The following TAFA5 variants were observed in gnomAD, a reference collection of about 807,000 sequenced individuals.
TAFA5 encodes chemokine-like protein TAFA-5.
TAFA5 carries 6 observed loss-of-function variants against 15.3 expected under a neutral mutation model. The observed-to-expected ratio is 0.39, with a 90% CI of 0.21 to 0.77. The LOEUF (loss-of-function observed/expected upper bound fraction) is 0.77. Ranked by LOEUF, TAFA5 falls within the 30% of genes least tolerant of loss-of-function variation. TAFA5 has a pLI of 0.41. For missense variants in TAFA5, 161 were observed against 193.1 expected (o/e 0.83, Z 0.98); for synonymous variants, 103 against 80.7 (o/e 1.28, Z -1.48).
At chr22:48,745,895 G>A (rs569523044) in intron 3 of TAFA5, among the ~76,000 whole-genome samples, 26 of 152,318 alleles carry the variant, frequency 1.7e-4, no homozygotes, top group African/African-American at 6.0e-4. Context: ...CACCACACAC[G>A]CGTCAGAGGA....
rs1922903569 is a variant in TAFA5, at chr22:48,552,832, A to AGCACCCAGGGCTGGCTCTGGGCCTCCT, written c.112+63128_112+63129insGCACCCAGGGCTGGCTCTGGGCCTCCT. Among the ~76,000 whole-genome samples the AGCACCCAGGGCTGGCTCTGGGCCTCCT allele has an allele frequency of 6.6e-6, 1 of 151,964 alleles. No individual in the cohort carries two copies. The highest frequency in any genetic ancestry group is 1.5e-5 in the Non-Finnish European group (1 of 67,982). On this transcript the variant is annotated intron_variant, in intron 1 of 3. Transcript: ENST00000402357. This position sits in a 1 kb window ranked among gnomAD's most constrained non-coding sequence, Gnocchi z 4.1. Reference sequence around the variant, plus strand: ...CACCTATATGGGGCTTCCAGGGCTCACCCCGAGGGAGGAGGCCCAGAGCCA... The same window carrying AGCACCCAGGGCTGGCTCTGGGCCTCCT: ...CACCTATATGGGGCTTCCAGGGCTCAGCACCCAGGGCTGGCTCTGGGCCTCCTCCCCGAGGGAGGAGGCCCAGAGCCA...
intron 3 of TAFA5, among the ~76,000 whole-genome samples, chr22:48,740,064 C>G (rs1165115958): frequency 6.6e-6 from 1 of 152,190 alleles, no homozygotes; most frequent in East Asian, 1.9e-4. Flanking sequence ...ACACTGCTGC[C>G]CATGCCCATC....
intron 2 of TAFA5, among the ~76,000 whole-genome samples, chr22:48,678,373 AT>A (rs1261380771): frequency 6.6e-6 from 1 of 152,204 alleles, no homozygotes; most frequent in African/African-American, 2.4e-5. Flanking sequence ...AACTGACCCT[AT>A]GCGGGGCAAA....
At chr22:48,583,210 C>A (rs1391868056) in intron 1 of TAFA5, among the ~76,000 whole-genome samples, 1 of 142,452 alleles carries the variant, frequency 7.0e-6, no homozygotes, top group South Asian at 2.3e-4. Context: ...TATACACATA[C>A]CACACACCAC....
At chr22:48,606,615 GTT>G (rs1177754182) in intron 1 of TAFA5, among the ~76,000 whole-genome samples, 1 of 152,212 alleles carries the variant, frequency 6.6e-6, no homozygotes, top group African/African-American at 2.4e-5. Context: ...CAAAAGCCAT[GTT>G]TACTTTCATA....
In TAFA5 at chr22:48,693,170, C is replaced by T. The variant is rs564431109; in HGVS notation, c.263-14547C>T. 28 of 897,954 alleles carry T rather than the reference C, an allele frequency of 3.1e-5. No individual in the cohort carries two copies. In the East Asian group the frequency reaches 4.5e-4, roughly 15 times the overall value. 55.6% of individuals were successfully genotyped at this position (897,954 alleles called of 1,614,324 possible). A position where few individuals can be genotyped will look rare whatever the true frequency, so the allele number is the denominator to read the frequency against. On this transcript the variant is annotated intron_variant, in intron 2 of 3. Transcript: ENST00000402357. ...GAGTCGAAGCCTCTGCTGGAAAATA[C>T]GTCCTTGTCTGCCTGGAGGGGCCTC...
intron 2 of TAFA5, among the ~76,000 whole-genome samples, chr22:48,664,831 T>C (rs900504820): frequency 2.0e-5 from 3 of 152,242 alleles, no homozygotes; most frequent in Admixed American, 2.0e-4. Context: ...TCTATCTGTC[T>C]GTGCCAAGGA....
rs565472862 is a variant in TAFA5, at chr22:48,719,580, C to T, written c.390+11736C>T. On this transcript the variant is annotated intron_variant, in intron 3 of 3. Coordinates refer to ENST00000402357, the MANE Select transcript of TAFA5 (RefSeq NM_001082967.3). ...GGCCGAGGTGGCCTCAGGACTGCCC[C>T]CCCTGCATTCTCTCCCAAGGACAAA... Among the ~76,000 whole-genome samples the T allele has an allele frequency of 2.8e-4, 42 of 152,198 alleles. 1 individual carries two copies. Among genetic ancestry groups the T allele is most frequent in the Admixed American group, 6.5e-5 (1 of 15,284 alleles).
intron 2 of TAFA5, among the ~76,000 whole-genome samples, chr22:48,657,801 A>T (rs1247988825): frequency 6.6e-6 from 1 of 152,186 alleles, no homozygotes; most frequent in Admixed American, 6.5e-5. Flanking sequence ...GCAGGTTTTC[A>T]GGGAGACCCG....
intron 2 of TAFA5, among the ~76,000 whole-genome samples, chr22:48,664,227 G>T (rs760838210): frequency 1.3e-5 from 2 of 152,184 alleles, no homozygotes; most frequent in African/African-American, 2.4e-5. Flanking sequence ...AGCCACTGGT[G>T]GTCTGGGGGT....
At chr22:48,649,383 G>A (rs138668619) in intron 2 of TAFA5, among the ~76,000 whole-genome samples, 4 of 152,298 alleles carry the variant, frequency 2.6e-5, no homozygotes, top group African/African-American at 4.8e-5. Context: ...AGTGTGGCGC[G>A]AGAGGCTGAG....
chr22:48,617,031 G>T (rs1020503538), intron 1 of TAFA5, among the ~76,000 whole-genome samples: 2 of 152,320 alleles, frequency 1.3e-5, no homozygotes, highest in Admixed American at 6.5e-5. Flanking sequence ...GTGGTCACTC[G>T]GGGGATGCCC....
chr22:48,534,864 G>A (rs367892810), intron 1 of TAFA5, among the ~76,000 whole-genome samples: 12 of 152,170 alleles, frequency 7.9e-5, no homozygotes, highest in Admixed American at 3.9e-4. Flanking sequence ...AGGCTTGGCC[G>A]TGGAGGGATG....
At position 48,576,210 on chromosome 22, in the gene TAFA5, C is replaced by T. The variant is rs1390128977; in HGVS notation, c.113-70387C>T. On this transcript the variant is annotated intron_variant, in intron 1 of 3. Transcript: ENST00000402357. ...GTGGCCGAGTGGTCGGAGCGGCGGC[C>T]GCCGCGGCCCGAGACTTTCTGCTAA... 12 of 315,148 alleles carry T rather than the reference C, an allele frequency of 3.8e-5. No individual in the cohort carries two copies. In the Admixed American group the frequency reaches 4.5e-4, roughly 12 times the overall value. The allele number at this position is 315,148 out of a possible 1,614,324, so 19.5% of individuals were successfully genotyped here.
Position 48,552,210 on chromosome 22 carries a change from G to A in TAFA5, c.112+62506G>A, listed in dbSNP as rs1209151606. Among the ~76,000 whole-genome samples the A allele has an allele frequency of 2.0e-5, 3 of 152,126 alleles. No individual in the cohort carries two copies. ...GGACCTCACATGGCTCTTCTGCTGT[G>A]GAGAAGGGTCCACACTTGCCTCCTG... On this transcript the variant is annotated intron_variant, in intron 1 of 3. Coordinates refer to ENST00000402357, the MANE Select transcript of TAFA5 (RefSeq NM_001082967.3). This position sits in a 1 kb window ranked among gnomAD's most constrained non-coding sequence, Gnocchi z 4.1.
chr22:48,738,848 C>T (rs184945979), intron 3 of TAFA5, among the ~76,000 whole-genome samples: 138 of 152,302 alleles, frequency 9.1e-4, no homozygotes, highest in African/African-American at 3.1e-3. Context: ...CGACATGGCA[C>T]CTTGACCTTG....
intron 1 of TAFA5, among the ~76,000 whole-genome samples, chr22:48,554,065 G>A (rs1216515242): frequency 2.0e-5 from 3 of 152,200 alleles, no homozygotes; most frequent in African/African-American, 2.4e-5. Context: ...CCAGGTCCTC[G>A]GGCGGCCGCT....
At chr22:48,601,107 A>G (rs1262458615) in intron 1 of TAFA5, among the ~76,000 whole-genome samples, 1 of 152,164 alleles carries the variant, frequency 6.6e-6, no homozygotes, top group Non-Finnish European at 1.5e-5. Context: ...TGTTATTAGA[A>G]TTGTCCTGTT....
chr22:48,576,682 G>A, intron 1 of TAFA5: 1 of 1,185,048 alleles, frequency 8.4e-7, no homozygotes, highest in Non-Finnish European at 1.1e-6. Flanking sequence ...GCTCGGCTGA[G>A]GCTCGTGGAG....
Sources: gnomAD v4.1 joint callset for allele counts (sites outside exome capture counted in the v4.1 genomes callset) on GRCh38, gnomAD v4.1.1 for gene constraint, Gnocchi (gnomAD v3.1) non-coding constraint, MANE v1.5 for transcripts, NCBI Gene and HGNC (gene_info 2026-07-23, HGNC 2026-07-21) for gene names.